The following DLGAP2 variants were observed in gnomAD, a reference collection of about 807,000 sequenced individuals.
DLGAP2 encodes disks large-associated protein 2.
In DLGAP2, 26 loss-of-function variants were observed where a neutral mutation model predicts 100.3. The observed-to-expected ratio is 0.26, with a 90% CI of 0.19 to 0.36. The LOEUF is 0.36. Among genes scored for constraint, DLGAP2 ranks in the 10% least tolerant of loss-of-function variants. The pLI is 1.00. For missense variants in DLGAP2, 1,858 were observed against 1,453.2 expected, an observed-to-expected ratio of 1.28 and a Z score of -4.53; for synonymous variants, 886 against 630.1, an observed-to-expected ratio of 1.41 and a Z score of -6.08.
chr8:1,012,212 G>A (rs1289314924), intron 2 of DLGAP2, among the ~76,000 whole-genome samples: 1 of 152,162 alleles, frequency 6.6e-6, no homozygotes, highest in Non-Finnish European at 1.5e-5. Flanking sequence ...GGCCTGACAT[G>A]TCTGACACCC....
In DLGAP2 at chr8:777,913, G is replaced by C. The variant is rs531388370; in HGVS notation, c.18+40088G>C. On this transcript the variant is annotated intron_variant, in intron 1 of 14. Coordinates refer to ENST00000637795, the MANE Select transcript of DLGAP2 (RefSeq NM_001346810.2). ...CGTCGGCCTGCCTTGCTAGATTGGG[G>C]AAGTTCTCCTGAGTAATATCCTGCA... Among the ~76,000 whole-genome samples, 321 of 152,276 alleles carry C rather than the reference G, an allele frequency of 2.1e-3. 1 individual carries two copies. Among genetic ancestry groups the C allele is most frequent in the African/African-American group, 7.5e-3 (310 of 41,552 alleles).
At chr8:1,437,791 AACCCCGTCTCT>A (rs1797690506) in intron 3 of DLGAP2, among the ~76,000 whole-genome samples, 1 of 133,914 alleles carries the variant, frequency 7.5e-6, no homozygotes, top group East Asian at 2.2e-4. Context: ...AACATTGTGA[AACCCCGTCTCT>A]ACTAAAAATA....
intron 3 of DLGAP2, among the ~76,000 whole-genome samples, chr8:1,263,176 A>G (rs1799385318): frequency 6.6e-6 from 1 of 152,238 alleles, no homozygotes; most frequent in African/African-American, 2.4e-5. Context: ...CGAGGCCTCA[A>G]GATTGGAACT....
chr8:1,284,277 G>C (rs1799878486), intron 3 of DLGAP2, among the ~76,000 whole-genome samples: 2 of 152,164 alleles, frequency 1.3e-5, no homozygotes, highest in Admixed American at 6.5e-5. Flanking sequence ...CTTTTGAGTA[G>C]AGCCTGTGCT....
chr8:845,248 T>A (rs1209617056), intron 1 of DLGAP2, among the ~76,000 whole-genome samples: 2 of 152,252 alleles, frequency 1.3e-5, no homozygotes, highest in Non-Finnish European at 2.9e-5. Context: ...AGCATGAGTT[T>A]ACGTTTCTGC....
intron 2 of DLGAP2, among the ~76,000 whole-genome samples, chr8:1,159,047 T>A (rs917819241): frequency 6.6e-6 from 1 of 152,184 alleles, no homozygotes; most frequent in Non-Finnish European, 1.5e-5. Context: ...TCGATGTCAG[T>A]GAGCTTTACC....
intron 3 of DLGAP2, among the ~76,000 whole-genome samples, chr8:1,327,065 C>T (rs913664339): frequency 6.6e-6 from 1 of 152,272 alleles, no homozygotes; most frequent in Admixed American, 6.5e-5. Context: ...GGGCAGGCCC[C>T]TGGAGGCAGA....
At chr8:974,102 T>C (rs1049054204) in intron 2 of DLGAP2, among the ~76,000 whole-genome samples, 6 of 152,120 alleles carry the variant, frequency 3.9e-5, no homozygotes, top group Non-Finnish European at 7.4e-5. Context: ...GAAGAAATAT[T>C]TGTAGTAAAA....
At chr8:1,561,617 G>T (rs141441245) in intron 5 of DLGAP2, among the ~76,000 whole-genome samples, 1 of 152,300 alleles carries the variant, frequency 6.6e-6, no homozygotes, top group Non-Finnish European at 1.5e-5. Flanking sequence ...CCACCTTGGG[G>T]GTGCTACAGC....
At chr8:891,158 T>C (rs1235568062) in intron 1 of DLGAP2, 1 of 152,314 alleles carries the variant, frequency 6.6e-6, no homozygotes, top group African/African-American at 2.4e-5. Context: ...AGGCCAAGGA[T>C]GTGGGCTTCC....
intron 6 of DLGAP2, chr8:1,621,309 G>C (rs1797328361): frequency 6.5e-6 from 1 of 152,976 alleles, no homozygotes; most frequent in South Asian, 2.1e-4. Context: ...ACTGGGACCA[G>C]GGCAGAGGAG....
At chr8:1,233,931 A>G (rs937186689) in intron 2 of DLGAP2, among the ~76,000 whole-genome samples, 5 of 152,216 alleles carry the variant, frequency 3.3e-5, no homozygotes, top group African/African-American at 1.2e-4. Flanking sequence ...ATGACACAAA[A>G]GGACTTAAGG....
intron 2 of DLGAP2, among the ~76,000 whole-genome samples, chr8:1,098,593 A>C (rs977235037): frequency 4.7e-5 from 5 of 107,248 alleles, no homozygotes; most frequent in African/African-American, 1.6e-4. Flanking sequence ...GACCCACACC[A>C]GGCTCCCGGC....
chr8:1,213,258 C>G (rs1484189558), intron 2 of DLGAP2, among the ~76,000 whole-genome samples: 1 of 152,132 alleles, frequency 6.6e-6, no homozygotes, highest in Non-Finnish European at 1.5e-5. Context: ...CAACAACAGG[C>G]TTCAGGATGT....
intron 3 of DLGAP2, among the ~76,000 whole-genome samples, chr8:1,263,886 G>A (rs1262179368): frequency 6.6e-6 from 1 of 152,072 alleles, no homozygotes; most frequent in African/African-American, 2.4e-5. Flanking sequence ...GCTATTTGTG[G>A]TTTTTAGTGA....
At chr8:1,359,837 A>G (rs534026448) in intron 3 of DLGAP2, among the ~76,000 whole-genome samples, 4 of 152,358 alleles carry the variant, frequency 2.6e-5, no homozygotes, top group Admixed American at 6.5e-5. Flanking sequence ...CTGTCACTCT[A>G]TAAGCCTTGC....
At chr8:781,226 G>A (rs540181215) in intron 1 of DLGAP2, among the ~76,000 whole-genome samples, 2 of 152,234 alleles carry the variant, frequency 1.3e-5, no homozygotes, top group East Asian at 3.9e-4. Context: ...ACCTGATAGT[G>A]CCAAATTTAT....
In DLGAP2 at chr8:901,651, G is replaced by C. The variant is rs576583072; in HGVS notation, c.19-6261G>C. Among the ~76,000 whole-genome samples the C allele has an allele frequency of 4.6e-5, 7 of 152,310 alleles. No individual in the cohort carries two copies. In the South Asian group the frequency reaches 1.4e-3, roughly 32 times the overall value. ...CATGTGGAGTAAAGTTGTGCAGGGA[G>C]GGTTTGGACCGGAAGTTGAAACTGT... On this transcript the variant is annotated intron_variant, in intron 1 of 14. Transcript: ENST00000637795.
chr8:1,097,823 T>C (rs1484872149), intron 2 of DLGAP2, among the ~76,000 whole-genome samples: 1 of 140,876 alleles, frequency 7.1e-6, no homozygotes, highest in Non-Finnish European at 1.5e-5. Flanking sequence ...CTCAGGAGAG[T>C]CGAGCTGGCA....
Sources: allele counts gnomAD v4.1 joint callset (sites outside exome capture counted in the v4.1 genomes callset), GRCh38; gene constraint gnomAD v4.1.1; transcripts MANE v1.5; gene names NCBI Gene and HGNC (gene_info 2026-07-23, HGNC 2026-07-21).